RGPD2: variants seen among roughly 807,000 people sequenced by gnomAD.
RGPD2 encodes RANBP2-like and GRIP domain-containing protein 2.
A neutral mutation model predicts 36.0 loss-of-function variants in RGPD2; 2 were observed. The observed-to-expected ratio is 0.06, with a 90% CI of 0.02 to 0.17. RGPD2 has a LOEUF of 0.17. RGPD2 is among the 10% of genes least tolerant of loss of function. The pLI is 1.00. For missense variants in RGPD2, 40 were observed against 464.3 expected, an observed-to-expected ratio of 0.09 and a Z score of 8.40; for synonymous variants, 19 against 163.8, an observed-to-expected ratio of 0.12 and a Z score of 6.75.
the RGPD2 span, among the ~76,000 whole-genome samples, chr2:87,951,776 G>A: frequency 2.3e-5 from 3 of 130,560 alleles, no homozygotes; most frequent in East Asian, 6.8e-4. Context: ...GTAGAGATGG[G>A]GTTTCACCAT....
the RGPD2 span, among the ~76,000 whole-genome samples, chr2:87,832,304 A>G: frequency 3.3e-5 from 5 of 149,724 alleles, no homozygotes; most frequent in African/African-American, 1.2e-4. Flanking sequence ...TATGTTAGTA[A>G]TTGTTTTAAA....
the RGPD2 span, among the ~76,000 whole-genome samples, chr2:87,897,075 T>G: frequency 6.6e-6 from 1 of 152,226 alleles, no homozygotes; most frequent in Non-Finnish European, 1.5e-5. Flanking sequence ...TTACCAAAAA[T>G]GTGTTTCAGG....
the RGPD2 span, among the ~76,000 whole-genome samples, chr2:87,857,774 T>TAAAAAAAAAAAA: frequency 5.3e-4 from 65 of 123,384 alleles, no homozygotes; most frequent in African/African-American, 2.3e-3. Flanking sequence ...CCATCTCTAC[T>TAAAAAAAAAAAA]AAAAAAAAAA....
the RGPD2 span, among the ~76,000 whole-genome samples, chr2:87,863,641 A>G: frequency 6.6e-6 from 1 of 152,310 alleles, no homozygotes; most frequent in African/African-American, 2.4e-5. Context: ...TGTCATCATC[A>G]TGAGTATTCC....
the RGPD2 span, among the ~76,000 whole-genome samples, chr2:87,864,326 TG>T: frequency 3.5e-4 from 54 of 152,292 alleles, no homozygotes; most frequent in Admixed American, 3.5e-3. Flanking sequence ...ATAAGTGCTC[TG>T]GTTCTTAGGC....
chr2:87,772,556 A>G (rs1042592445), intron 21 of RGPD2, among the ~76,000 whole-genome samples, 192 bp from the exon 22 acceptor site: 1 of 35,210 alleles, frequency 2.8e-5, no homozygotes, highest in Non-Finnish European at 6.1e-5. Context: ...ACATCACCGT[A>G]TAAAATCCAT....
chr2:87,978,795 A>G, the RGPD2 span, among the ~76,000 whole-genome samples: 593 of 130,518 alleles, frequency 4.5e-3, no homozygotes, highest in Non-Finnish European at 6.3e-3. Context: ...GAAGCATACC[A>G]GTAATCCTAG....
the RGPD2 span, among the ~76,000 whole-genome samples, chr2:87,929,475 T>G: frequency 7.6e-3 from 1,116 of 147,484 alleles, 15 homozygotes; most frequent in African/African-American, 0.02. Flanking sequence ...TTTGTTTTTT[T>G]TGTGTGTGTG....
chr2:87,880,221 T>C, the RGPD2 span, among the ~76,000 whole-genome samples: 1 of 152,160 alleles, frequency 6.6e-6, no homozygotes, highest in Non-Finnish European at 1.5e-5. Flanking sequence ...AGCCACTTAC[T>C]GGATATATAA....
the RGPD2 span, among the ~76,000 whole-genome samples, chr2:87,877,073 C>A: frequency 6.6e-6 from 1 of 152,362 alleles, no homozygotes; most frequent in South Asian, 2.1e-4. Flanking sequence ...TTCTCCATCT[C>A]TTTATTTTGA....
chr2:87,883,846 A>G, the RGPD2 span, among the ~76,000 whole-genome samples: 1 of 151,958 alleles, frequency 6.6e-6, no homozygotes, highest in Non-Finnish European at 1.5e-5. Context: ...CACAATAGTA[A>G]TAGGGTATTT....
At position 87,783,427 on chromosome 2, in the gene RGPD2, C is replaced by T. The variant is rs1424812000; in HGVS notation, c.3597G>A (p.Thr1199=). The part of the protein sequence containing the change: ...EMKSGLKDFK[T]FLTNDQTKVT... Reference sequence around the variant, plus strand: ...CTTTTGTTTGATCATTTGTCAAAAACGTTTTGAAATCTTTCAGTCCACTCT... The same window carrying T: ...CTTTTGTTTGATCATTTGTCAAAAATGTTTTGAAATCTTTCAGTCCACTCT... The change falls in exon 20 of 23, where the codon ACG becomes ACA. Residue 1199 remains threonine, a synonymous_variant. Coordinates refer to ENST00000398146, the MANE Select transcript of RGPD2 (RefSeq NM_001078170.3). 3.5e-6 allele frequency: 1 copy of T among 288,356 alleles called. No individual in the cohort carries two copies. The highest frequency in any genetic ancestry group is 2.6e-5 in the South Asian group (1 of 39,126). 17.9% of individuals were successfully genotyped at this position (288,356 alleles called of 1,614,324 possible). A position where few individuals can be genotyped will look rare whatever the true frequency, so the allele number is the denominator to read the frequency against.
At chr2:87,881,414 T>A in the RGPD2 span, among the ~76,000 whole-genome samples, 1 of 147,030 alleles carries the variant, frequency 6.8e-6, no homozygotes, top group African/African-American at 2.7e-5. Flanking sequence ...TGCAGCGCAC[T>A]TTTTCCTGGG....
the RGPD2 span, among the ~76,000 whole-genome samples, chr2:87,876,550 C>A: frequency 3.9e-5 from 6 of 152,288 alleles, no homozygotes; most frequent in Non-Finnish European, 8.8e-5. Context: ...GAGTTCATTT[C>A]TTAATTTTAA....
the RGPD2 span, among the ~76,000 whole-genome samples, chr2:87,965,044 A>T: frequency 2.0e-5 from 3 of 150,490 alleles, no homozygotes; most frequent in East Asian, 5.9e-4. Flanking sequence ...GGGGCCATGG[A>T]AGAACCACCT....
chr2:87,855,420 A>G, the RGPD2 span, among the ~76,000 whole-genome samples: 1 of 146,534 alleles, frequency 6.8e-6, no homozygotes, highest in African/African-American at 2.5e-5. Flanking sequence ...TTATAGTCCA[A>G]GAATACGAAA....
chr2:87,919,240 TG>T, the RGPD2 span, among the ~76,000 whole-genome samples: 2 of 151,986 alleles, frequency 1.3e-5, no homozygotes, highest in African/African-American at 4.8e-5. Context: ...TTCTGTGTGC[TG>T]GGGAAAGTTG....
chr2:87,809,291 C>A (rs1276723151), intron 6 of RGPD2, among the ~76,000 whole-genome samples: 1 of 150,530 alleles, frequency 6.6e-6, no homozygotes, highest in Non-Finnish European at 1.5e-5. Context: ...GGCAACAGAG[C>A]GAGACTCCGT....
chr2:87,940,279 T>G, the RGPD2 span, among the ~76,000 whole-genome samples: 1 of 151,928 alleles, frequency 6.6e-6, no homozygotes, highest in Non-Finnish European at 1.5e-5. Context: ...AACAAGGACT[T>G]GTGCTCCTGT....
Sources: gnomAD v4.1 joint callset for allele counts (sites outside exome capture counted in the v4.1 genomes callset) on GRCh38, gnomAD v4.1.1 for gene constraint, MANE v1.5 for transcripts, NCBI Gene and HGNC (gene_info 2026-07-23, HGNC 2026-07-21) for gene names.